Variants in THSD4 observed in about 807,000 individuals in gnomAD.
THSD4 encodes the protein thrombospondin type 1 domain containing 4.
THSD4 carries 69 observed loss-of-function variants against 119.0 expected under a neutral mutation model. The observed-to-expected ratio is 0.58, with a 90% CI of 0.48 to 0.71. The LOEUF is 0.71. Among genes scored for constraint, THSD4 ranks in the 30% least tolerant of loss-of-function variants. The probability of loss-of-function intolerance (pLI) is 0.00; values close to 1 mark genes in which losing one functional copy is unlikely to be tolerated. For synonymous variants in THSD4, 524 were observed against 540.4 expected (o/e 0.97, Z 0.42); for missense variants, 1,393 against 1,391.1 (o/e 1.00, Z -0.02).
In THSD4 at chr15:71,734,859, A is replaced by C. The variant is rs569521528; in HGVS notation, c.1631-2873A>C. 2.0e-5 allele frequency among the ~76,000 whole-genome samples: 3 copies of C among 151,156 alleles called. No individual in the cohort carries two copies. In the South Asian group the frequency reaches 6.3e-4, roughly 32 times the overall value. ...AAAAAAGTCCACAGCTCCCAACCCC[A>C]TGCCCTTCCCAGAGGGAGTCTAACC... On this transcript the variant is annotated intron_variant, in intron 10 of 17. Coordinates refer to ENST00000261862, the MANE Select transcript of THSD4 (RefSeq NM_024817.3).
At chr15:71,518,555 TAATAAC>T (rs1204720935) in intron 7 of THSD4, among the ~76,000 whole-genome samples, 20 of 152,204 alleles carry the variant, frequency 1.3e-4, no homozygotes, top group Admixed American at 1.2e-3. Flanking sequence ...CTCTGGATAA[TAATAAC>T]TATAATGATG....
At chr15:71,477,271 G>A (rs921220412) in intron 7 of THSD4, among the ~76,000 whole-genome samples, 23 of 152,188 alleles carry the variant, frequency 1.5e-4, no homozygotes, top group Non-Finnish European at 2.5e-4. Flanking sequence ...TCTGTTTAAT[G>A]TGAAATCAAA....
At chr15:71,373,490 G>A (rs904324600) in intron 6 of THSD4, among the ~76,000 whole-genome samples, 1 of 152,116 alleles carries the variant, frequency 6.6e-6, no homozygotes, top group African/African-American at 2.4e-5. Context: ...ACATTTTGGA[G>A]GTGCTTATGA....
chr15:71,269,303 AC>A (rs2044501985), intron 6 of THSD4, among the ~76,000 whole-genome samples: 1 of 152,198 alleles, frequency 6.6e-6, no homozygotes, highest in Non-Finnish European at 1.5e-5. Context: ...ACATACACAA[AC>A]CAATAAACGT....
At chr15:71,155,023 G>A in intron 3 of THSD4, 91 bp downstream of exon 3, 1 of 1,190,090 alleles carries the variant, frequency 8.4e-7, no homozygotes, top group Non-Finnish European at 1.2e-6. Context: ...GTTTGAAGGT[G>A]AGTCACCACT....
chr15:71,369,965 T>G (rs2046021038), intron 6 of THSD4, among the ~76,000 whole-genome samples: 1 of 152,178 alleles, frequency 6.6e-6, no homozygotes, highest in South Asian at 2.1e-4. Context: ...CAGAGCTTGT[T>G]ATTGGTCTAT....
At chr15:71,557,327 C>T (rs755402368) in intron 7 of THSD4, among the ~76,000 whole-genome samples, 11 of 151,982 alleles carry the variant, frequency 7.2e-5, no homozygotes, top group Non-Finnish European at 1.6e-4. Context: ...ATGGATAAAT[C>T]CAACTTGGTT....
At chr15:71,469,518 G>T (rs72760691) in intron 7 of THSD4, among the ~76,000 whole-genome samples, 3,682 of 152,276 alleles carry the variant, frequency 0.024, 66 homozygotes, top group South Asian at 0.04. Flanking sequence ...TGGCTTCAAG[G>T]CTGAGAAGCT....
intron 7 of THSD4, among the ~76,000 whole-genome samples, chr15:71,578,011 C>A (rs2049486313): frequency 6.6e-6 from 1 of 151,816 alleles, no homozygotes; most frequent in South Asian, 2.1e-4. Flanking sequence ...TGTGCCTCCA[C>A]TGTGGCCTCA....
intron 1 of THSD4, among the ~76,000 whole-genome samples, chr15:71,116,477 G>A (rs947469942): frequency 6.6e-6 from 1 of 152,170 alleles, no homozygotes; most frequent in African/African-American, 2.4e-5. Flanking sequence ...TTGTGGTCTA[G>A]TAAGTTTTTT....
chr15:71,623,023 A>G (rs2140930698), intron 7 of THSD4, among the ~76,000 whole-genome samples: 1 of 152,206 alleles, frequency 6.6e-6, no homozygotes, highest in South Asian at 2.1e-4. Flanking sequence ...TGGCTCCAGC[A>G]GTGCCAGTTG....
intron 14 of THSD4, among the ~76,000 whole-genome samples, chr15:71,751,319 T>C (rs1237366052): frequency 6.6e-6 from 1 of 152,238 alleles, no homozygotes; most frequent in East Asian, 1.9e-4. Context: ...GTTGGCTTTT[T>C]TCTGGTTAAA....
chr15:71,370,260 G>GT (rs2046025930), intron 6 of THSD4, among the ~76,000 whole-genome samples: 1 of 152,042 alleles, frequency 6.6e-6, no homozygotes, highest in Non-Finnish European at 1.5e-5. Context: ...TTTTTGAAGG[G>GT]TTTTTTATGT....
intron 14 of THSD4, among the ~76,000 whole-genome samples, chr15:71,756,016 A>T (rs879528467): frequency 6.6e-6 from 1 of 152,176 alleles, no homozygotes; most frequent in African/African-American, 2.4e-5. Flanking sequence ...GGTATGGGGG[A>T]TAGGATAATA....
At chr15:71,635,764 C>T (rs190395659) in intron 7 of THSD4, among the ~76,000 whole-genome samples, 1 of 152,314 alleles carries the variant, frequency 6.6e-6, no homozygotes, top group African/African-American at 2.4e-5. Context: ...TAGTCACAAT[C>T]ATGATATTAA....
chr15:71,738,933 G>A (rs2141155072), intron 11 of THSD4, among the ~76,000 whole-genome samples: 1 of 152,128 alleles, frequency 6.6e-6, no homozygotes, highest in Admixed American at 6.5e-5. Flanking sequence ...GCCTGTCTTT[G>A]GCATGTGCAG....
chr15:71,447,861 A>G (rs11632321), intron 7 of THSD4, among the ~76,000 whole-genome samples: 110,933 of 152,042 alleles, frequency 0.73, 40,669 homozygotes, highest in East Asian at 0.97. Context: ...TCTCCTTGGC[A>G]TGTCACTGCA....
At chr15:71,326,688 AAAAAAAAAAAAAATAT>A (rs1245459536) in intron 6 of THSD4, among the ~76,000 whole-genome samples, 1,419 of 19,914 alleles carry the variant, frequency 0.071, 54 homozygotes, top group African/African-American at 0.12. Flanking sequence ...AAAAAAAAAA[AAAAAAAAAAAAAATAT>A]ATATATATAT....
intron 5 of THSD4, among the ~76,000 whole-genome samples, chr15:71,254,210 C>A (rs993862702): frequency 6.6e-6 from 1 of 152,200 alleles, no homozygotes; most frequent in South Asian, 2.1e-4. Flanking sequence ...CGAAGACCTG[C>A]GGCCCGGCAG....
Sources: allele counts gnomAD v4.1 joint callset (sites outside exome capture counted in the v4.1 genomes callset), GRCh38; gene constraint gnomAD v4.1.1; transcripts MANE v1.5; gene names NCBI Gene and HGNC (gene_info 2026-07-23, HGNC 2026-07-21).